CPQ: variants seen among roughly 807,000 people sequenced by gnomAD.
The protein encoded by CPQ is carboxypeptidase Q.
In CPQ, 37 loss-of-function variants were observed where a neutral mutation model predicts 45.7. The ratio of observed to expected loss-of-function variants is 0.81; its 90% CI spans 0.62 to 1.07. CPQ has a LOEUF of 1.07. Among genes scored for constraint, CPQ ranks in the 50% least tolerant of loss-of-function variants. The pLI is 0.00. For missense variants in CPQ, 537 were observed against 572.9 expected, an observed-to-expected ratio of 0.94 and a Z score of 0.64; for synonymous variants, 186 against 205.8, an observed-to-expected ratio of 0.90 and a Z score of 0.82.
intron 7 of CPQ, among the ~76,000 whole-genome samples, chr8:97,141,150 C>T (rs933026661): frequency 5.9e-5 from 9 of 152,024 alleles, no homozygotes; most frequent in Non-Finnish European, 1.2e-4. Context: ...CTTCTTAAGA[C>T]ATAAACAGTA....
chr8:96,899,974 T>G (rs1010959977), intron 4 of CPQ, among the ~76,000 whole-genome samples: 5 of 152,174 alleles, frequency 3.3e-5, no homozygotes, highest in African/African-American at 4.8e-5. Flanking sequence ...TAGATGATGT[T>G]GTCTTTGATG....
At chr8:97,002,981 T>C (rs1695438361) in intron 5 of CPQ, among the ~76,000 whole-genome samples, 1 of 152,238 alleles carries the variant, frequency 6.6e-6, no homozygotes, top group Admixed American at 6.5e-5. Flanking sequence ...AGTTAGATTT[T>C]CTTGTTGTAC....
chr8:96,669,054 A>C (rs958628081), intron 1 of CPQ, among the ~76,000 whole-genome samples: 1 of 152,218 alleles, frequency 6.6e-6, no homozygotes. Context: ...TACTCTAATA[A>C]GGCTGTGATG....
chr8:96,778,957 C>T (rs1307404679), intron 1 of CPQ, among the ~76,000 whole-genome samples: 4 of 150,048 alleles, frequency 2.7e-5, no homozygotes, highest in African/African-American at 2.5e-5. Context: ...CTCAGCTTCT[C>T]GGGAGGCATA....
At chr8:96,972,380 G>A (rs1813694245) in intron 5 of CPQ, among the ~76,000 whole-genome samples, 2 of 152,212 alleles carry the variant, frequency 1.3e-5, no homozygotes, top group Admixed American at 1.3e-4. Context: ...GCTGAACTCA[G>A]ACATGCTTAC....
chr8:96,816,813 T>A (rs1161838452), intron 2 of CPQ, among the ~76,000 whole-genome samples: 1 of 152,108 alleles, frequency 6.6e-6, no homozygotes, highest in Admixed American at 6.6e-5. Context: ...TGAAAGGATT[T>A]TTTTTCTGAG....
intron 2 of CPQ, among the ~76,000 whole-genome samples, chr8:96,814,011 T>TAC (rs1172332418): frequency 2.0e-5 from 3 of 151,916 alleles, no homozygotes; most frequent in African/African-American, 7.2e-5. Context: ...CACATATATA[T>TAC]ACACACATAC....
chr8:97,005,231 G>C (rs574283063), intron 5 of CPQ, among the ~76,000 whole-genome samples: 1 of 151,902 alleles, frequency 6.6e-6, no homozygotes, highest in South Asian at 2.1e-4. Flanking sequence ...ACAGGTGTGT[G>C]CCACCACACC....
Position 96,834,960 on chromosome 8 carries a change from CT to C in CPQ, c.434-9del, listed in dbSNP as rs772282854. On this transcript the variant is annotated splice_polypyrimidine_tract_variant and intron_variant, in intron 2 of 7. Transcript: ENST00000220763. ...GAAACTGTAAGTTAATCTTGCATGACTTTTATTTCTAGGCATTACAGCAGAA... is the reference window on the plus strand; with the variant it reads ...GAAACTGTAAGTTAATCTTGCATGACTTTATTTCTAGGCATTACAGCAGAA... The C allele has an allele frequency of 8.1e-6, 13 of 1,609,096 alleles. No homozygotes were observed. The highest frequency in any genetic ancestry group is 1.1e-5 in the Non-Finnish European group (13 of 1,177,470).
At chr8:96,724,411 G>A (rs1024988269) in intron 1 of CPQ, among the ~76,000 whole-genome samples, 1 of 151,664 alleles carries the variant, frequency 6.6e-6, no homozygotes, top group Non-Finnish European at 1.5e-5. Context: ...GGGGCCTTTA[G>A]GAGGTGATTT....
intron 1 of CPQ, among the ~76,000 whole-genome samples, chr8:96,667,200 G>T (rs1002405200): frequency 6.6e-6 from 1 of 152,040 alleles, no homozygotes; most frequent in Non-Finnish European, 1.5e-5. Flanking sequence ...GTCACTTCAC[G>T]TTCCTCCTCT....
intron 4 of CPQ, 29 bp downstream of exon 4, chr8:96,880,034 A>T: frequency 6.3e-7 from 1 of 1,585,976 alleles, no homozygotes; most frequent in Non-Finnish European, 8.7e-7. Context: ...TGGCCTAAGA[A>T]TACAGTTTCC....
chr8:96,894,062 A>G (rs1812411665), intron 4 of CPQ, among the ~76,000 whole-genome samples: 1 of 152,198 alleles, frequency 6.6e-6, no homozygotes, highest in Admixed American at 6.6e-5. Flanking sequence ...GCCAGCTGCC[A>G]CGCTGGGAGG....
In CPQ at chr8:97,134,682, C is replaced by T. The variant is rs141725670; in HGVS notation, c.1256-8338C>T. Among the ~76,000 whole-genome samples the T allele has an allele frequency of 3.6e-3, 546 of 152,144 alleles. 3 individuals are homozygous for T. Among genetic ancestry groups the T allele is most frequent in the Admixed American group, 6.0e-3 (92 of 15,274 alleles). ...ACTGGAGAAAAGGCACATTTTTTCC[C>T]GAGATAGGGCAGTGAAGAAGGTACA... is the stretch of plus-strand genomic sequence containing the variant. On this transcript the variant is annotated intron_variant, in intron 7 of 7. Transcript: ENST00000220763.
chr8:96,702,219 G>A (rs1051791155), intron 1 of CPQ, among the ~76,000 whole-genome samples: 3 of 152,272 alleles, frequency 2.0e-5, no homozygotes, highest in African/African-American at 7.2e-5. Flanking sequence ...TCCAGAAGCC[G>A]TCTAGTCTTC....
At chr8:96,766,879 T>A (rs192584512) in intron 1 of CPQ, among the ~76,000 whole-genome samples, 32 of 146,446 alleles carry the variant, frequency 2.2e-4, no homozygotes, top group Admixed American at 2.1e-3. Context: ...CACACTTTGC[T>A]CTCTGTTGCT....
intron 3 of CPQ, among the ~76,000 whole-genome samples, chr8:96,856,286 G>A (rs899924758): frequency 3.3e-5 from 5 of 152,166 alleles, no homozygotes; most frequent in East Asian, 1.9e-4. Flanking sequence ...GAGAAATTAC[G>A]ATAGCTGGGC....
intron 6 of CPQ, among the ~76,000 whole-genome samples, chr8:97,061,235 G>T (rs1810545079): frequency 6.6e-6 from 1 of 152,096 alleles, no homozygotes; most frequent in Non-Finnish European, 1.5e-5. Context: ...TTTATAGTTG[G>T]AAGCAAATTG....
intron 1 of CPQ, among the ~76,000 whole-genome samples, chr8:96,693,965 G>A (rs1046558714): frequency 1.3e-4 from 20 of 152,122 alleles, no homozygotes; most frequent in Non-Finnish European, 2.5e-4. Flanking sequence ...AAGTTAAGAA[G>A]CAGGGAGACG....
Sources: allele counts gnomAD v4.1 joint callset (sites outside exome capture counted in the v4.1 genomes callset), GRCh38; gene constraint gnomAD v4.1.1; transcripts MANE v1.5; gene names NCBI Gene and HGNC (gene_info 2026-07-23, HGNC 2026-07-21).